TRIM2: variants seen among roughly 807,000 people sequenced by gnomAD.
TRIM2 encodes the protein tripartite motif containing 2, also known as tripartite motif-containing protein 2.
In TRIM2, 20 loss-of-function variants were observed where a neutral mutation model predicts 75.2. The ratio of observed to expected loss-of-function variants is 0.27; its 90% confidence interval spans 0.19 to 0.39. TRIM2 has a LOEUF of 0.39. Ranked by LOEUF, TRIM2 falls within the 10% of genes least tolerant of loss-of-function variation. TRIM2 has a pLI of 1.00. For missense variants in TRIM2, 660 were observed against 990.8 expected (o/e 0.67, Z 4.48); for synonymous variants, 373 against 388.3 (o/e 0.96, Z 0.46).
chr4:153,263,303 C>A lies in TRIM2; in HGVS notation c.31-7032C>A, dbSNP rs145945607. On this transcript the variant is annotated intron_variant, in intron 1 of 11. Coordinates refer to ENST00000338700, the MANE Select transcript of TRIM2 (RefSeq NM_015271.5). ...GTGAGCATGTCACTGCACTGCAGCACGGGTGACAGAGGGAGACCCTGTCTC... is the reference window on the plus strand; with the variant it reads ...GTGAGCATGTCACTGCACTGCAGCAAGGGTGACAGAGGGAGACCCTGTCTC... Among the ~76,000 whole-genome samples, 9 of 151,090 alleles carry A rather than the reference C, an allele frequency of 6.0e-5. No homozygotes were observed. In the East Asian group the frequency reaches 1.8e-3, roughly 29 times the overall value.
chr4:153,270,747 A>T (rs1221931231), intron 2 of TRIM2, among the ~76,000 whole-genome samples: 1 of 152,248 alleles, frequency 6.6e-6, no homozygotes, highest in Non-Finnish European at 1.5e-5. Context: ...TTTACACAAG[A>T]GATGGAGCAT....
At chr4:153,296,596 A>G (rs1317500391) in intron 6 of TRIM2, among the ~76,000 whole-genome samples, 1 of 152,092 alleles carries the variant, frequency 6.6e-6, no homozygotes, top group Non-Finnish European at 1.5e-5. Context: ...CAAGGAGAGG[A>G]GGAGGGGTGG....
At chr4:153,177,156 G>T (rs1467984376) in intron 1 of TRIM2, among the ~76,000 whole-genome samples, 1 of 152,208 alleles carries the variant, frequency 6.6e-6, no homozygotes, top group Non-Finnish European at 1.5e-5. Context: ...ATTCCAGCTG[G>T]CAGGAAGGGA....
chr4:153,179,333 ATTATT>A (rs1351867240), intron 1 of TRIM2, among the ~76,000 whole-genome samples: 1 of 149,912 alleles, frequency 6.7e-6, no homozygotes, highest in Non-Finnish European at 1.5e-5. Context: ...TATTTAATAA[ATTATT>A]TTATTGATAT....
At chr4:153,266,386 A>C (rs565336539) in intron 1 of TRIM2, among the ~76,000 whole-genome samples, 4 of 138,284 alleles carry the variant, frequency 2.9e-5, no homozygotes, top group Non-Finnish European at 6.0e-5. Flanking sequence ...CTCTGTCACC[A>C]GGCTGGAGTG....
rs749230397 is a variant in TRIM2 at position 153,292,966 on chromosome 4, C to T, written c.454-16C>T. ...CCATGGCCCAGAACCAGGAACTTTT[C>T]TTGTGTCATCCACAGGTGATGGAAT... On this transcript the variant is annotated splice_polypyrimidine_tract_variant and intron_variant, in intron 3 of 11. Transcript: ENST00000338700. 15 of 1,592,710 alleles carry T rather than the reference C, an allele frequency of 9.4e-6. No individual in the cohort carries two copies. The African/African-American group carries it at 1.9e-4, about 20-fold the overall frequency.
At chr4:153,202,675 G>A (rs1734503919), upstream of TRIM2, among the ~76,000 whole-genome samples, 1 of 149,364 alleles carries the variant, frequency 6.7e-6, no homozygotes, top group Admixed American at 6.6e-5. Flanking sequence ...CTCCAGCCTG[G>A]GTGACAGAGC....
chr4:153,287,380 C>T (rs1282375533), intron 3 of TRIM2, among the ~76,000 whole-genome samples: 1 of 152,192 alleles, frequency 6.6e-6, no homozygotes, highest in Non-Finnish European at 1.5e-5. Context: ...CTGCCAGTAT[C>T]AGCCCTTTGA....
chr4:153,249,653 G>T (rs544661221), intron 1 of TRIM2, among the ~76,000 whole-genome samples: 4 of 151,342 alleles, frequency 2.6e-5, no homozygotes, highest in African/African-American at 9.6e-5. Context: ...CCTCTGTTCA[G>T]CCTCCACCAG....
Position 153,297,597 on chromosome 4 carries a change from C to T in TRIM2, c.1510+1561C>T, listed in dbSNP as rs528752514. Among the ~76,000 whole-genome samples the T allele has an allele frequency of 9.9e-5, 15 of 152,198 alleles. 1 individual carries two copies. Among genetic ancestry groups the T allele is most frequent in the South Asian group, 8.3e-4 (4 of 4,812 alleles). On this transcript the variant is annotated intron_variant, in intron 6 of 11. Transcript: ENST00000338700. ...TTCTTTTCAAAAAACCTGCTGGCTCCCCACTGATCTCTTGCATTACGAACA... is the reference window on the plus strand; with the variant it reads ...TTCTTTTCAAAAAACCTGCTGGCTCTCCACTGATCTCTTGCATTACGAACA...
At chr4:153,324,263 T>C (rs575647251) in intron 10 of TRIM2, 115 bp downstream of exon 10, 5 of 827,488 alleles carry the variant, frequency 6.0e-6, no homozygotes, top group South Asian at 1.8e-5. Flanking sequence ...ACCAGCAGAG[T>C]AGACTTTGTT....
chr4:153,244,115 A>C (rs1747465006), intron 1 of TRIM2, among the ~76,000 whole-genome samples: 2 of 148,976 alleles, frequency 1.3e-5, no homozygotes, highest in East Asian at 2.0e-4. Flanking sequence ...CTACTGTGCC[A>C]CTGCCATCTT....
intron 8 of TRIM2, among the ~76,000 whole-genome samples, chr4:153,317,011 G>C (rs7437910): frequency 0.019 from 2,799 of 148,608 alleles, 78 homozygotes; most frequent in African/African-American, 0.066. Flanking sequence ...CTCCTGAGTA[G>C]CTGGGACTAC....
chr4:153,239,984 G>A (rs763793788), intron 1 of TRIM2, among the ~76,000 whole-genome samples: 8 of 151,876 alleles, frequency 5.3e-5, no homozygotes, highest in African/African-American at 1.5e-4. Context: ...GCATCCACGC[G>A]CCACACGCCC....
At chr4:153,245,453 G>C (rs1748886076) in intron 1 of TRIM2, among the ~76,000 whole-genome samples, 1 of 152,242 alleles carries the variant, frequency 6.6e-6, no homozygotes, top group Non-Finnish European at 1.5e-5. Flanking sequence ...TTGAGCAGGG[G>C]CGGGCAAACT....
intron 6 of TRIM2, 68 bp from the exon 7 acceptor site, chr4:153,315,417 T>C: frequency 7.8e-7 from 1 of 1,283,876 alleles, no homozygotes; most frequent in Non-Finnish European, 1.1e-6. Flanking sequence ...TCTGAATTAT[T>C]CTCTTGCTGA....
intron 9 of TRIM2, among the ~76,000 whole-genome samples, chr4:153,323,600 G>C (rs936739310): frequency 2.0e-5 from 3 of 152,136 alleles, no homozygotes; most frequent in Admixed American, 1.3e-4. Context: ...TCCTGCCTCA[G>C]CCCTCCAAGT....
At chr4:153,282,700 A>G (rs1172327859) in intron 3 of TRIM2, among the ~76,000 whole-genome samples, 2 of 152,182 alleles carry the variant, frequency 1.3e-5, no homozygotes, top group East Asian at 1.9e-4. Flanking sequence ...GCCTGCCTCA[A>G]CTTCCCAGAG....
Position 153,154,526 on chromosome 4 carries a change from GCTACGATTTCTGCGTGTCTTCCATCTCC to G in TRIM2, c.-49+1258_-49+1285del, listed in dbSNP as rs373499026. Reference sequence around the variant, plus strand: ...ATCTAACTCCTAGCCTAAGAGATAGGCTACGATTTCTGCGTGTCTTCCATCTCCCACCAAGCAGCTTTTCTTTTAACCT... The same window carrying G: ...ATCTAACTCCTAGCCTAAGAGATAGGCACCAAGCAGCTTTTCTTTTAACCT... On this transcript the variant is annotated intron_variant, in intron 1 of 11. Coordinates refer to the TRIM2 transcript ENST00000437508. 2.7e-4 allele frequency among the ~76,000 whole-genome samples: 41 copies of G among 152,274 alleles called. 1 individual carries two copies. Among genetic ancestry groups the G allele is most frequent in the African/African-American group, 9.1e-4 (38 of 41,546 alleles).
Sources: gnomAD v4.1 joint callset for allele counts (sites outside exome capture counted in the v4.1 genomes callset) on GRCh38, gnomAD v4.1.1 for gene constraint, MANE v1.5 for transcripts, NCBI Gene and HGNC (gene_info 2026-07-23, HGNC 2026-07-21) for gene names.